RARB: variants seen among roughly 807,000 people sequenced by gnomAD.
RARB encodes retinoic acid receptor beta.
In RARB, 17 loss-of-function variants were observed where a neutral mutation model predicts 51.9. The ratio of observed to expected loss-of-function variants is 0.33; its 90% CI spans 0.22 to 0.49. RARB has a LOEUF of 0.49. Among genes scored for constraint, RARB ranks in the 20% least tolerant of loss-of-function variants. RARB has a pLI of 0.99. For synonymous variants in RARB, 215 were observed against 195.4 expected (o/e 1.10, Z -0.84); for missense variants, 369 against 550.8 (o/e 0.67, Z 3.30).
chr3:24,983,906 G>C (rs1025321874), intron 2 of RARB, among the ~76,000 whole-genome samples: 25 of 152,062 alleles, frequency 1.6e-4, no homozygotes, highest in Admixed American at 2.0e-4. Context: ...TTACAAAAAA[G>C]ACATGTAGAA....
chr3:25,571,133 G>A (rs1291112108), intron 4 of RARB, among the ~76,000 whole-genome samples: 1 of 152,230 alleles, frequency 6.6e-6, no homozygotes, highest in African/African-American at 2.4e-5. Context: ...AGACTACACA[G>A]TTGGGTGGCA....
intron 4 of RARB, among the ~76,000 whole-genome samples, chr3:25,140,474 A>C (rs2125336762): frequency 6.6e-6 from 1 of 152,306 alleles, no homozygotes; most frequent in Middle Eastern, 3.4e-3. Context: ...TAAATATGTG[A>C]CTGGGTTGCT....
intron 1 of RARB, among the ~76,000 whole-genome samples, chr3:25,435,668 C>T (rs1708402978): frequency 6.6e-6 from 1 of 152,086 alleles, no homozygotes; most frequent in African/African-American, 2.4e-5. Flanking sequence ...TCATTATGGT[C>T]CTCAGAATGC....
chr3:25,142,382 T>C (rs1399854707), intron 4 of RARB, among the ~76,000 whole-genome samples: 2 of 152,056 alleles, frequency 1.3e-5, no homozygotes, highest in Non-Finnish European at 2.9e-5. Flanking sequence ...CTCAGAACCA[T>C]TGAATCAGGA....
chr3:25,194,403 AG>A (rs929171796), intron 5 of RARB, among the ~76,000 whole-genome samples: 4 of 151,614 alleles, frequency 2.6e-5, no homozygotes, highest in African/African-American at 7.3e-5. Context: ...ATACACAAAA[AG>A]GTATCTATGG....
At chr3:25,542,871 G>C (rs113210614) in intron 3 of RARB, among the ~76,000 whole-genome samples, 2 of 152,114 alleles carry the variant, frequency 1.3e-5, no homozygotes, top group Non-Finnish European at 2.9e-5. Flanking sequence ...GTTTAGTATT[G>C]TTTCTGTTTG....
At chr3:25,573,237 C>G (rs1700780162) in intron 4 of RARB, among the ~76,000 whole-genome samples, 1 of 152,170 alleles carries the variant, frequency 6.6e-6, no homozygotes, top group Non-Finnish European at 1.5e-5. Context: ...CCCACATAAA[C>G]TATCGTGCAT....
At chr3:25,408,158 C>T (rs981795069) in intron 5 of RARB, among the ~76,000 whole-genome samples, 5 of 152,164 alleles carry the variant, frequency 3.3e-5, no homozygotes, top group South Asian at 2.1e-4. Flanking sequence ...ATTAACTACA[C>T]TGAACAGGCT....
intron 2 of RARB, among the ~76,000 whole-genome samples, chr3:25,019,479 T>C (rs966596759): frequency 1.3e-5 from 2 of 151,980 alleles, no homozygotes; most frequent in Non-Finnish European, 2.9e-5. Context: ...GATGCCAAAT[T>C]CCCTTTTTTT....
At chr3:25,052,794 T>G (rs1486276971) in intron 2 of RARB, among the ~76,000 whole-genome samples, 2 of 151,996 alleles carry the variant, frequency 1.3e-5, no homozygotes, top group East Asian at 1.9e-4. Flanking sequence ...GTTCTCCATC[T>G]AGAAATACGT....
chr3:25,055,061 C>A (rs1698409442), intron 2 of RARB, among the ~76,000 whole-genome samples: 1 of 152,086 alleles, frequency 6.6e-6, no homozygotes, highest in Non-Finnish European at 1.5e-5. Flanking sequence ...GTTTCAGAAA[C>A]CAGGGACTTG....
chr3:25,126,057 A>C (rs1699854686), intron 3 of RARB, among the ~76,000 whole-genome samples: 1 of 152,196 alleles, frequency 6.6e-6, no homozygotes, highest in Non-Finnish European at 1.5e-5. Context: ...GCCAGTTGAA[A>C]ATGTAGTTGA....
intron 2 of RARB, among the ~76,000 whole-genome samples, chr3:25,496,580 C>T (rs908698568): frequency 1.1e-4 from 16 of 152,326 alleles, no homozygotes; most frequent in African/African-American, 3.4e-4. Context: ...GGGCCACCAG[C>T]CACAGGTTGG....
intron 3 of RARB, among the ~76,000 whole-genome samples, chr3:25,122,347 C>T (rs967785114): frequency 2.6e-5 from 4 of 151,816 alleles, no homozygotes; most frequent in African/African-American, 9.7e-5. Flanking sequence ...CAAGTGCTTA[C>T]TAGATCATCA....
At chr3:25,321,525 C>T (rs749646905) in intron 5 of RARB, among the ~76,000 whole-genome samples, 1 of 151,410 alleles carries the variant, frequency 6.6e-6, no homozygotes, top group Non-Finnish European at 1.5e-5. Context: ...CGAGACCAGC[C>T]CAGATGACAT....
chr3:25,021,685 C>T (rs1157022725), intron 2 of RARB, among the ~76,000 whole-genome samples: 6 of 151,918 alleles, frequency 3.9e-5, no homozygotes, highest in African/African-American at 7.2e-5. Context: ...TTTAGGTGTA[C>T]ATTCAGTTTT....
intron 2 of RARB, among the ~76,000 whole-genome samples, chr3:25,033,815 G>T (rs1395214627): frequency 6.6e-6 from 1 of 152,100 alleles, no homozygotes; most frequent in African/African-American, 2.4e-5. Flanking sequence ...AGAAAATACC[G>T]TAATAAATAT....
intron 4 of RARB, among the ~76,000 whole-genome samples, chr3:25,152,348 A>C (rs1412014929): frequency 6.6e-6 from 1 of 152,204 alleles, no homozygotes; most frequent in Non-Finnish European, 1.5e-5. Flanking sequence ...TTAAGTTGGC[A>C]CAAAATATTA....
In RARB at chr3:25,435,536, CT is replaced by C. The variant is rs138434256; in HGVS notation, c.157+6650del. 4.8e-3 allele frequency among the ~76,000 whole-genome samples: 731 copies of C among 152,164 alleles called. 3 individuals are homozygous for C. Among genetic ancestry groups the C allele is most frequent in the African/African-American group, 0.016 (657 of 41,514 alleles). The stretch of plus-strand genomic sequence containing the variant: ...TTTTAGGGGCTGGTCTATTGGAAAG[CT>C]TGGGGGTTTAATTAACTAAAATGGA... On this transcript the variant is annotated intron_variant, in intron 1 of 7. Coordinates refer to ENST00000330688, the MANE Select transcript of RARB (RefSeq NM_000965.5).
Sources: gnomAD v4.1 joint callset for allele counts (sites outside exome capture counted in the v4.1 genomes callset) on GRCh38, gnomAD v4.1.1 for gene constraint, MANE v1.5 for transcripts, NCBI Gene and HGNC (gene_info 2026-07-23, HGNC 2026-07-21) for gene names.